C7: variants seen among roughly 807,000 people sequenced by gnomAD.
C7 encodes complement C7.
A neutral mutation model predicts 104.8 loss-of-function variants in C7; 83 were observed. The ratio of observed to expected loss-of-function variants is 0.79; its 90% confidence interval spans 0.66 to 0.95. The LOEUF (loss-of-function observed/expected upper bound fraction) is 0.95. Ranked by LOEUF, C7 falls within the 40% of genes least tolerant of loss-of-function variation. The probability of loss-of-function intolerance (pLI) is 0.00; values close to 1 mark genes in which losing one functional copy is unlikely to be tolerated. For synonymous variants in C7, 415 were observed against 360.6 expected (o/e 1.15, Z -1.71); for missense variants, 1,070 against 1,011.2 (o/e 1.06, Z -0.79).
rs184726601 is a variant in C7, at chr5:40,975,499, G to A, written c.2075-1251G>A. Among the ~76,000 whole-genome samples the A allele has an allele frequency of 1.4e-4, 22 of 152,032 alleles. No individual in the cohort carries two copies. The East Asian group carries it at 4.3e-3, about 29-fold the overall frequency. Reference sequence around the variant, plus strand: ...CTGCCTCAGCCTCCTGAGGAGCTGAGATTACAGGCATGTGCCACCATGCCC... The same window carrying A: ...CTGCCTCAGCCTCCTGAGGAGCTGAAATTACAGGCATGTGCCACCATGCCC... On this transcript the variant is annotated intron_variant, in intron 15 of 17. Transcript: ENST00000313164.
At chr5:40,973,876 T>A (rs1000563071) in intron 15 of C7, among the ~76,000 whole-genome samples, 1 of 152,210 alleles carries the variant, frequency 6.6e-6, no homozygotes, top group Non-Finnish European at 1.5e-5. Context: ...CAGTAGAAAA[T>A]TCTATTAAAG....
At chr5:40,936,586 G>A (rs1320327175) in intron 5 of C7, 101 bp downstream of exon 5, 2 of 1,092,652 alleles carry the variant, frequency 1.8e-6, no homozygotes, top group Admixed American at 5.1e-5. Flanking sequence ...CTTCTAATAG[G>A]CAAGATTATT....
intron 14 of C7, among the ~76,000 whole-genome samples, chr5:40,968,568 TTATATATATATATATA>T (rs1240185830): frequency 5.7e-4 from 36 of 63,710 alleles, no homozygotes; most frequent in African/African-American, 1.5e-3. Context: ...TATATATATT[TTATATATATATATATA>T]TATATATATA....
At chr5:40,968,588 ATATATATATATATTTTTTTTTTTTTTTTT>A (rs1740616878) in intron 14 of C7, among the ~76,000 whole-genome samples, 1 of 46,338 alleles carries the variant, frequency 2.2e-5, no homozygotes, top group Non-Finnish European at 3.9e-5. Context: ...ATATATATAT[ATATATATATATATTTTTTTTTTTTTTTTT>A]TTTTTTTTTT....
chr5:40,944,199 G>A lies in C7; in HGVS notation c.568-999G>A, dbSNP rs144210996. 8.3e-3 allele frequency among the ~76,000 whole-genome samples: 1,266 copies of A among 152,304 alleles called. 5 individuals are homozygous for A. Among genetic ancestry groups the A allele is most frequent in the Middle Eastern group, 0.027 (8 of 292 alleles). On this transcript the variant is annotated intron_variant, in intron 6 of 17. Coordinates refer to ENST00000313164, the MANE Select transcript of C7 (RefSeq NM_000587.4). ...ATAAAAACACAAATGCTTGTGAAAG[G>A]AGAGCTCCCAATTTGAATATTTATA...
chr5:40,923,737 C>T (rs569709516), intron 1 of C7, among the ~76,000 whole-genome samples: 4 of 136,070 alleles, frequency 2.9e-5, no homozygotes, highest in South Asian at 2.6e-4. Context: ...CAGAGCAAGA[C>T]TCTGTCTTAA....
At chr5:40,938,838 C>A (rs916536179) in intron 6 of C7, among the ~76,000 whole-genome samples, 2 of 152,120 alleles carry the variant, frequency 1.3e-5, no homozygotes, top group Non-Finnish European at 2.9e-5. Context: ...GGAAACTTTA[C>A]GGAAGATTTA....
intron 7 of C7, 123 bp downstream of exon 7, chr5:40,945,491 T>G (rs2111624003): frequency 1.6e-6 from 1 of 614,608 alleles, no homozygotes; most frequent in East Asian, 3.0e-5. Context: ...GTAATAGTAC[T>G]TCCTTTAAGA....
intron 3 of C7, 52 bp downstream of exon 3, chr5:40,931,191 G>GC: frequency 7.4e-7 from 1 of 1,350,786 alleles, no homozygotes; most frequent in Non-Finnish European, 1.1e-6. Flanking sequence ...AAATACTTTG[G>GC]CATGGCCAAA....
chr5:40,959,636 C>A lies in C7; in HGVS notation c.1661+16C>A, dbSNP rs768674261. 2.6e-6 allele frequency: 4 copies of A among 1,559,350 alleles called. No homozygotes were observed. Among genetic ancestry groups the A allele is most frequent in the East Asian group, 4.5e-5 (2 of 44,174 alleles). On this transcript the variant is annotated intron_variant, in intron 12 of 17. Coordinates refer to ENST00000313164, the MANE Select transcript of C7 (RefSeq NM_000587.4). The stretch of plus-strand genomic sequence containing the variant: ...AGCACTTGAGGTAATGGAGACCCGA[C>A]CCCCTGGCAGTTGCATAGAACACAG...
intron 6 of C7, among the ~76,000 whole-genome samples, chr5:40,939,401 A>G (rs1739887088): frequency 6.6e-6 from 1 of 152,216 alleles, no homozygotes; most frequent in African/African-American, 2.4e-5. Flanking sequence ...TTATATATGT[A>G]GAAACTGAGG....
chr5:40,965,391 G>A (rs1056366921), intron 14 of C7, among the ~76,000 whole-genome samples: 5 of 152,094 alleles, frequency 3.3e-5, no homozygotes, highest in African/African-American at 9.7e-5. Flanking sequence ...TGAGGAAAGC[G>A]CTAGTGTACA....
At chr5:40,934,583 C>T (rs1424132056) in intron 4 of C7, 117 bp downstream of exon 4, 4 of 980,722 alleles carry the variant, frequency 4.1e-6, no homozygotes, top group African/African-American at 1.6e-5. Context: ...AAAGTTAATT[C>T]CCCCAAATAT....
intron 1 of C7, chr5:40,910,945 A>G (rs1739194539): frequency 6.6e-6 from 1 of 152,188 alleles, no homozygotes; most frequent in South Asian, 2.1e-4. Context: ...TGTGCTTAAA[A>G]ACATGTTTAC....
Position 40,982,497 on chromosome 5 carries a change from C to T in C7, c.*924C>T, listed in dbSNP as rs1740972362. Reference sequence around the variant, plus strand: ...ACCACTAAAATGTTAGAGCAGAATTCATTATGCTGTGGTCACAGGGGTGTC... The same window carrying T: ...ACCACTAAAATGTTAGAGCAGAATTTATTATGCTGTGGTCACAGGGGTGTC... On this transcript the variant is annotated 3_prime_UTR_variant, in exon 18 of 18. Coordinates refer to ENST00000313164, the MANE Select transcript of C7 (RefSeq NM_000587.4). 6.6e-6 allele frequency: 1 copy of T among 152,340 alleles called. No homozygotes were observed. Among genetic ancestry groups the T allele is most frequent in the African/African-American group, 2.4e-5 (1 of 41,456 alleles). 9.4% of individuals were successfully genotyped at this position (152,340 alleles called of 1,614,324 possible). A position where few individuals can be genotyped will look rare whatever the true frequency, so the allele number is the denominator to read the frequency against.
At position 40,983,274 on chromosome 5, in the gene C7, C is replaced by A. The variant is rs2111741950; in HGVS notation, c.*1701C>A. On this transcript the variant is annotated 3_prime_UTR_variant, in exon 18 of 18. Coordinates refer to ENST00000313164, the MANE Select transcript of C7 (RefSeq NM_000587.4). ...GTAATTCATTTGGAAGGAAATACCT[C>A]AGTATCCTTCCAATAATTTCTCCTC... is the stretch of plus-strand genomic sequence containing the variant. Among the ~76,000 whole-genome samples the A allele has an allele frequency of 6.6e-6, 1 of 152,322 alleles. No homozygotes were observed. Among genetic ancestry groups the A allele is most frequent in the East Asian group, 1.9e-4 (1 of 5,180 alleles).
Position 40,981,661 on chromosome 5 carries a change from C to A in C7, c.*88C>A, listed in dbSNP as rs1173753558. The A allele has an allele frequency of 3.7e-6, 4 of 1,092,398 alleles. No individual in the cohort carries two copies. Among genetic ancestry groups the A allele is most frequent in the Non-Finnish European group, 5.1e-6 (4 of 777,548 alleles). The allele number at this position is 1,092,398 out of a possible 1,614,324, so 67.7% of individuals were successfully genotyped here. On this transcript the variant is annotated 3_prime_UTR_variant, in exon 18 of 18. Transcript: ENST00000313164. Reference sequence around the variant, plus strand: ...ATCTGCACAACTGGGCACTGGACAGCTTTTCCTTCTTCTCCAGTGTCTACC... The same window carrying A: ...ATCTGCACAACTGGGCACTGGACAGATTTTCCTTCTTCTCCAGTGTCTACC...
intron 5 of C7, among the ~76,000 whole-genome samples, chr5:40,937,018 G>A (rs1041190628): frequency 6.6e-6 from 1 of 151,990 alleles, no homozygotes; most frequent in African/African-American, 2.4e-5. Flanking sequence ...ATTTTTAAGG[G>A]TCATATGACT....
chr5:40,962,818 T>G (rs1258996425), intron 13 of C7, among the ~76,000 whole-genome samples: 1 of 152,208 alleles, frequency 6.6e-6, no homozygotes. Context: ...AGGATATTGT[T>G]CATGAGGACT....
Sources: gnomAD v4.1 joint callset for allele counts (sites outside exome capture counted in the v4.1 genomes callset) on GRCh38, gnomAD v4.1.1 for gene constraint, MANE v1.5 for transcripts, NCBI Gene and HGNC (gene_info 2026-07-23, HGNC 2026-07-21) for gene names.